STAG1: variants seen among roughly 807,000 people sequenced by gnomAD.
The protein encoded by STAG1 is cohesin subunit SA-1.
STAG1 carries 26 observed loss-of-function variants against 170.9 expected under a neutral mutation model. The observed-to-expected ratio is 0.15, with a 90% CI of 0.11 to 0.21. The LOEUF (loss-of-function observed/expected upper bound fraction) is 0.21. Among genes scored for constraint, STAG1 ranks in the 10% least tolerant of loss-of-function variants. The pLI is 1.00. For synonymous variants in STAG1, 514 were observed against 497.7 expected, an observed-to-expected ratio of 1.03 and a Z score of -0.44; for missense variants, 964 against 1,509.5, an observed-to-expected ratio of 0.64 and a Z score of 5.99.
intron 1 of STAG1, among the ~76,000 whole-genome samples, chr3:136,676,487 C>G (rs1005484012): frequency 6.6e-6 from 1 of 152,126 alleles, no homozygotes; most frequent in African/African-American, 2.4e-5. Context: ...TGTTCTGTCA[C>G]CCAGCTAAAG....
intron 1 of STAG1, among the ~76,000 whole-genome samples, chr3:136,750,329 T>A (rs1325579887): frequency 3.9e-5 from 6 of 152,134 alleles, no homozygotes; most frequent in Admixed American, 3.9e-4. Flanking sequence ...TTTTTAGAGA[T>A]AAAGAAAGTA....
intron 11 of STAG1, 40 bp downstream of exon 11, chr3:136,473,499 A>T: frequency 6.9e-7 from 1 of 1,454,800 alleles, no homozygotes. Flanking sequence ...AGCATTTGTA[A>T]AGAGAAAAAT....
At chr3:136,528,906 T>G (rs1070230) in intron 6 of STAG1, among the ~76,000 whole-genome samples, 112,884 of 151,640 alleles carry the variant, frequency 0.74, 42,127 homozygotes, top group East Asian at 0.86. Flanking sequence ...CTCCAGTCTG[T>G]GTGACAAAGC....
At position 136,365,261 on chromosome 3, in the gene STAG1, G is replaced by T. The variant is rs1296111084; in HGVS notation, c.2685+1682C>A. On this transcript the variant is annotated intron_variant, in intron 25 of 33. Coordinates refer to ENST00000383202, the MANE Select transcript of STAG1 (RefSeq NM_005862.3). ...AAGAGAAAACTATATAAAAAGGGTA[G>T]GATAAACACTTATAAAATGGAACTG... 2.0e-5 allele frequency among the ~76,000 whole-genome samples: 3 copies of T among 152,092 alleles called. No individual in the cohort carries two copies. In the East Asian group the frequency reaches 5.8e-4, roughly 29 times the overall value.
intron 1 of STAG1, among the ~76,000 whole-genome samples, chr3:136,723,328 G>A (rs1933422691): frequency 6.7e-6 from 1 of 150,280 alleles, no homozygotes; most frequent in Non-Finnish European, 1.5e-5. Context: ...GATGTGGGGA[G>A]CGCCTCTGCC....
intron 4 of STAG1, among the ~76,000 whole-genome samples, chr3:136,586,385 G>A (rs1003171938): frequency 3.3e-5 from 5 of 152,010 alleles, no homozygotes; most frequent in African/African-American, 1.2e-4. Context: ...ATGATTTACG[G>A]GAAATCATGA....
chr3:136,681,980 C>T (rs748942407), intron 1 of STAG1, among the ~76,000 whole-genome samples: 27 of 152,070 alleles, frequency 1.8e-4, no homozygotes, highest in Non-Finnish European at 3.7e-4. Flanking sequence ...AGGATGGCCA[C>T]AGTCACCCTT....
At chr3:136,439,441 C>A (rs1559802071) in intron 15 of STAG1, among the ~76,000 whole-genome samples, 14 of 77,236 alleles carry the variant, frequency 1.8e-4, no homozygotes, top group Non-Finnish European at 4.5e-4. Context: ...CACACACACA[C>A]AAACACTGTA....
chr3:136,744,579 G>A (rs1021590769), intron 1 of STAG1, among the ~76,000 whole-genome samples: 4 of 151,508 alleles, frequency 2.6e-5, no homozygotes, highest in Admixed American at 2.0e-4. Context: ...GCTCTACTTT[G>A]CACTTTCCTT....
At chr3:136,419,565 C>T (rs2087886988) in intron 20 of STAG1, among the ~76,000 whole-genome samples, 1 of 151,756 alleles carries the variant, frequency 6.6e-6, no homozygotes, top group Admixed American at 6.6e-5. Flanking sequence ...GTGCCATAGC[C>T]CCAAGAGTAG....
chr3:136,340,354 T>C, intron 32 of STAG1, 137 bp downstream of exon 32: 1 of 577,218 alleles, frequency 1.7e-6, no homozygotes, highest in Non-Finnish European at 3.2e-6. Flanking sequence ...ACTCCCGACC[T>C]CAGGTGATCC....
At chr3:136,520,545 T>C (rs1045768034) in intron 7 of STAG1, among the ~76,000 whole-genome samples, 11 of 151,722 alleles carry the variant, frequency 7.3e-5, no homozygotes, top group Non-Finnish European at 1.6e-4. Context: ...GACGGAAAAA[T>C]AGAACAATTG....
At chr3:136,724,475 G>A (rs952609443) in intron 1 of STAG1, among the ~76,000 whole-genome samples, 2 of 151,694 alleles carry the variant, frequency 1.3e-5, no homozygotes, top group African/African-American at 2.4e-5. Flanking sequence ...GAGGAAGGCC[G>A]CAGGGTCCTC....
chr3:136,511,915 A>G (rs1439158216), intron 7 of STAG1, among the ~76,000 whole-genome samples: 1 of 138,830 alleles, frequency 7.2e-6, no homozygotes, highest in African/African-American at 2.4e-5. Context: ...AGAGCATTTA[A>G]AATCACAGAA....
chr3:136,551,806 G>C (rs1160426428), intron 5 of STAG1, among the ~76,000 whole-genome samples: 1 of 151,918 alleles, frequency 6.6e-6, no homozygotes, highest in Non-Finnish European at 1.5e-5. Flanking sequence ...TGTTGTCCAG[G>C]CTGGTCTTAA....
chr3:136,408,240 C>G (rs2087536790), intron 21 of STAG1, among the ~76,000 whole-genome samples: 2 of 152,168 alleles, frequency 1.3e-5, no homozygotes, highest in African/African-American at 4.8e-5. Flanking sequence ...CACAAATCCT[C>G]AGAGAAAGGT....
intron 21 of STAG1, among the ~76,000 whole-genome samples, chr3:136,401,191 G>C (rs2087315282): frequency 6.6e-6 from 1 of 152,100 alleles, no homozygotes; most frequent in Admixed American, 6.6e-5. Context: ...ACCGCCCATG[G>C]GTTCCCAGGC....
At chr3:136,442,669 G>GA (rs34137147) in intron 15 of STAG1, among the ~76,000 whole-genome samples, 2 of 144,562 alleles carry the variant, frequency 1.4e-5, no homozygotes, top group African/African-American at 2.7e-5. Context: ...TATAAATCAA[G>GA]AAAAAAAAAA....
chr3:136,438,043 A>C (rs574416381), intron 15 of STAG1, among the ~76,000 whole-genome samples: 2 of 152,314 alleles, frequency 1.3e-5, no homozygotes, highest in African/African-American at 4.8e-5. Flanking sequence ...GTTCACTTAT[A>C]AACTAAAATG....
Sources: allele counts gnomAD v4.1 joint callset (sites outside exome capture counted in the v4.1 genomes callset), GRCh38; gene constraint gnomAD v4.1.1; transcripts MANE v1.5; gene names NCBI Gene and HGNC (gene_info 2026-07-23, HGNC 2026-07-21).